Variants in SRRM3 observed in about 807,000 individuals in gnomAD.
SRRM3 encodes serine/arginine repetitive matrix 3, also known as serine/arginine repetitive matrix protein 3.
In SRRM3, 27 loss-of-function variants were observed where a neutral mutation model predicts 66.2. That is an observed-to-expected ratio of 0.41 (90% confidence interval 0.30 to 0.56). The LOEUF is 0.56. SRRM3 is among the 20% of genes least tolerant of loss of function. SRRM3 has a pLI of 0.32. For missense variants in SRRM3, 918 were observed against 991.9 expected (o/e 0.93, Z 1.00); for synonymous variants, 391 against 414.9 (o/e 0.94, Z 0.70).
intron 10 of SRRM3, 139 bp from the exon 11 acceptor site, chr7:76,267,119 G>T (rs1802080422): frequency 3.8e-6 from 3 of 793,614 alleles, no homozygotes; most frequent in Non-Finnish European, 5.4e-6. Context: ...TAAGTGGAAA[G>T]GTTCCCAGCA....
chr7:76,264,997 G>GGTTTTGGTT, intron 9 of SRRM3, among the ~76,000 whole-genome samples, 182 bp downstream of exon 9: 1 of 152,050 alleles, frequency 6.6e-6, no homozygotes, highest in South Asian at 2.1e-4. Flanking sequence ...CAAAACCCAG[G>GGTTTTGGTT]CCTCTTGCCT....
chr7:76,274,540 T>A (rs1802293661), intron 11 of SRRM3, among the ~76,000 whole-genome samples: 1 of 152,204 alleles, frequency 6.6e-6, no homozygotes, highest in Non-Finnish European at 1.5e-5. Flanking sequence ...AGGGGCTCCT[T>A]CTACCCTCAG....
chr7:76,275,497 CAAAAAAAAAA>C (rs35985626), intron 11 of SRRM3, among the ~76,000 whole-genome samples: 7 of 70,916 alleles, frequency 9.9e-5, no homozygotes, highest in African/African-American at 3.3e-4. Context: ...CCTGCTCCCT[CAAAAAAAAAA>C]AAAAAAAAAA....
At chr7:76,237,922 G>C (rs1554605146) in intron 2 of SRRM3, among the ~76,000 whole-genome samples, 1 of 151,894 alleles carries the variant, frequency 6.6e-6, no homozygotes, top group African/African-American at 2.4e-5. Flanking sequence ...CTGGGTGTAA[G>C]ACCCCCAGCA....
At chr7:76,250,914 ACCCAGGG>A (rs1189788237) in intron 3 of SRRM3, among the ~76,000 whole-genome samples, 1 of 151,990 alleles carries the variant, frequency 6.6e-6, no homozygotes, top group Non-Finnish European at 1.5e-5. Flanking sequence ...CACTACCCCC[ACCCAGGG>A]CCCCTGGCAG....
chr7:76,251,769 TA>T (rs1212672693), intron 3 of SRRM3, among the ~76,000 whole-genome samples: 31 of 146,274 alleles, frequency 2.1e-4, no homozygotes, highest in Middle Eastern at 3.6e-3. Context: ...CATCTCTATT[TA>T]AAAAAAAAAA....
chr7:76,260,224 G>T, intron 5 of SRRM3, 27 bp downstream of exon 5: 1 of 1,509,302 alleles, frequency 6.6e-7, no homozygotes, highest in African/African-American at 1.4e-5. Flanking sequence ...ACCGGAGCGG[G>T]AAGGGAGGAG....
At chr7:76,219,858 C>G (rs956095621) in intron 1 of SRRM3, among the ~76,000 whole-genome samples, 1 of 151,506 alleles carries the variant, frequency 6.6e-6, no homozygotes. Flanking sequence ...TGCAGTGAGC[C>G]GAGATCACAC....
chr7:76,252,532 G>A (rs977687699), intron 3 of SRRM3, among the ~76,000 whole-genome samples: 1 of 152,136 alleles, frequency 6.6e-6, no homozygotes, highest in Admixed American at 6.5e-5. Context: ...ATGTTGGCCA[G>A]GCTGGTCTCG....
intron 2 of SRRM3, among the ~76,000 whole-genome samples, chr7:76,238,674 C>G (rs1233356723): frequency 6.6e-6 from 1 of 151,988 alleles, no homozygotes; most frequent in Admixed American, 6.6e-5. Flanking sequence ...TTGTTTGTTT[C>G]GTTTGAGATG....
At chr7:76,237,439 G>T (rs1452786567) in intron 2 of SRRM3, among the ~76,000 whole-genome samples, 2 of 152,070 alleles carry the variant, frequency 1.3e-5, no homozygotes, top group Non-Finnish European at 2.9e-5. Flanking sequence ...GCCAGGCATG[G>T]TGACGAGCGC....
chr7:76,260,153 T>A lies in SRRM3; in HGVS notation c.501T>A (p.Pro167=). Residue 167 remains proline, a synonymous_variant, in exon 5 of 15, where the codon CCT becomes CCA. Coordinates refer to ENST00000611745, the MANE Select transcript of SRRM3 (RefSeq NM_001110199.3). ...GGTCTAGCAGCTCGGCATCGCCCCC[T>A]CCCAAGAAAAAGAAGAAAAAGAAAG... The part of the protein sequence containing the change: ...KHWSSSSASP[P]PKKKKKKKGG... 6.7e-7 allele frequency: 1 copy of A among 1,497,116 alleles called. No individual in the cohort carries two copies. The highest frequency in any genetic ancestry group is 1.6e-5 in the African/African-American group (1 of 61,872). The allele number at this position is 1,497,116 out of a possible 1,614,324, so 92.7% of individuals were successfully genotyped here. A position where few individuals can be genotyped will look rare whatever the true frequency, so the allele number is the denominator to read the frequency against.
intron 1 of SRRM3, among the ~76,000 whole-genome samples, chr7:76,234,749 A>C (rs548766850): frequency 3.3e-5 from 5 of 152,088 alleles, no homozygotes; most frequent in Non-Finnish European, 5.9e-5. Flanking sequence ...TAGTTCCTGG[A>C]GGTGACACGA....
intron 2 of SRRM3, among the ~76,000 whole-genome samples, chr7:76,241,873 CTG>C (rs1163262138): frequency 5.3e-5 from 8 of 152,206 alleles, no homozygotes; most frequent in African/African-American, 1.9e-4. Context: ...TACATCACGT[CTG>C]TGTTAGCCCA....
At chr7:76,246,817 G>A (rs1446726876) in intron 2 of SRRM3, among the ~76,000 whole-genome samples, 1 of 152,160 alleles carries the variant, frequency 6.6e-6, no homozygotes, top group Non-Finnish European at 1.5e-5. Context: ...TGAGCCATGG[G>A]GGCCAGTGCT....
At chr7:76,266,501 T>A (rs1377963045) in intron 10 of SRRM3, among the ~76,000 whole-genome samples, 2 of 108,240 alleles carry the variant, frequency 1.8e-5, no homozygotes, top group Non-Finnish European at 3.4e-5. Context: ...TTTATATATT[T>A]AATATATAAA....
intron 10 of SRRM3, among the ~76,000 whole-genome samples, chr7:76,266,452 A>G (rs1802048058): frequency 9.0e-6 from 1 of 110,932 alleles, no homozygotes; most frequent in Non-Finnish European, 1.6e-5. Context: ...ATATATTTTA[A>G]TATTTATATA....
At chr7:76,212,914 C>T (rs537219826) in intron 1 of SRRM3, among the ~76,000 whole-genome samples, 1 of 152,110 alleles carries the variant, frequency 6.6e-6, no homozygotes, top group Admixed American at 6.5e-5. Flanking sequence ...AGGCTCTGCT[C>T]AGACATCTTC....
At chr7:76,243,216 G>C (rs1016287499) in intron 2 of SRRM3, among the ~76,000 whole-genome samples, 5 of 152,176 alleles carry the variant, frequency 3.3e-5, no homozygotes, top group African/African-American at 2.4e-5. Context: ...CTTGCCCAAG[G>C]CCACAGAACT....
Sources: gnomAD v4.1 joint callset for allele counts (sites outside exome capture counted in the v4.1 genomes callset) on GRCh38, gnomAD v4.1.1 for gene constraint, MANE v1.5 for transcripts, NCBI Gene and HGNC (gene_info 2026-07-23, HGNC 2026-07-21) for gene names.